The following SKOR1 variants were observed in gnomAD, a reference collection of about 807,000 sequenced individuals.
SKOR1 encodes LBX1 corepressor 1.
In SKOR1, 38 loss-of-function variants were observed where a neutral mutation model predicts 72.4. That is an observed-to-expected ratio of 0.52 (90% CI 0.40 to 0.69). SKOR1 has a LOEUF of 0.69. SKOR1 is among the 30% of genes least tolerant of loss of function. The probability of loss-of-function intolerance (pLI) is 0.00; values close to 1 mark genes in which losing one functional copy is unlikely to be tolerated. For synonymous variants in SKOR1, 642 were observed against 599.4 expected, an observed-to-expected ratio of 1.07 and a Z score of -1.04; for missense variants, 1,320 against 1,343.2, an observed-to-expected ratio of 0.98 and a Z score of 0.27.
In SKOR1 at chr15:67,834,474, C is replaced by T. The variant is rs2091032521; in HGVS notation, c.*638C>T. On this transcript the variant is annotated 3_prime_UTR_variant, in exon 9 of 9. Coordinates refer to ENST00000380035, the MANE Select transcript of SKOR1 (RefSeq NM_001365915.1). This position sits in a 1 kb window ranked among gnomAD's most constrained non-coding sequence, Gnocchi z 5.8. Reference sequence around the variant, plus strand: ...CACTTTAAAAGGGCGACAACTGACTCACGAGATGGCAACCACCTGGAGCCT... The same window carrying T: ...CACTTTAAAAGGGCGACAACTGACTTACGAGATGGCAACCACCTGGAGCCT... The T allele has an allele frequency of 6.5e-6, 1 of 153,060 alleles. No homozygotes were observed. The allele number at this position is 153,060 out of a possible 1,614,324, so 9.5% of individuals were successfully genotyped here. A position where few individuals can be genotyped will look rare whatever the true frequency, so the allele number is the denominator to read the frequency against.
rs1326688227 is a variant in SKOR1, at chr15:67,829,215, G to T, written c.2353G>T (p.Ala785Ser). Residue 785 changes from alanine (A) to serine (S), a missense_variant, in exon 3 of 9, where the codon GCG (alanine) becomes TCG (serine). Physicochemically the swap from Ala to Ser is moderately conservative, Grantham distance 99. Transcript: ENST00000380035. Reference protein sequence around the residue: ...APERDEHVKSAAVALGPAASY... With the variant: ...APERDEHVKSSAVALGPAASY... Reference sequence around the variant, plus strand: ...CGAGAGGGATGAGCACGTGAAGAGCGCGGCGGTGGCGCTGGGGCCCGCGGC... The same window carrying T: ...CGAGAGGGATGAGCACGTGAAGAGCTCGGCGGTGGCGCTGGGGCCCGCGGC... 5 of 1,575,912 alleles carry T rather than the reference G, an allele frequency of 3.2e-6. 1 individual carries two copies. In the Middle Eastern group the frequency reaches 5.0e-4, roughly 157 times the overall value.
intron 2 of SKOR1, 56 bp downstream of exon 2, chr15:67,828,200 AG>A (rs1468427905): frequency 1.5e-6 from 2 of 1,373,668 alleles, no homozygotes; most frequent in African/African-American, 3.1e-5. Context: ...TGTGCGCGGC[AG>A]GGCTGCGGGG....
chr15:67,825,909 C>T lies in SKOR1; in HGVS notation c.108-27C>T. 2.6e-6 allele frequency: 4 copies of T among 1,511,384 alleles called. No individual in the cohort carries two copies. The highest frequency in any genetic ancestry group is 3.5e-6 in the Non-Finnish European group (4 of 1,135,210). 93.6% of individuals were successfully genotyped at this position (1,511,384 alleles called of 1,614,324 possible). A position where few individuals can be genotyped will look rare whatever the true frequency, so the allele number is the denominator to read the frequency against. ...GGCGGCGGCGCTGAAAATGGCTCATCTGCTCTCTGCTTTCTCTATTTCGCA... is the reference window on the plus strand; with the variant it reads ...GGCGGCGGCGCTGAAAATGGCTCATTTGCTCTCTGCTTTCTCTATTTCGCA... On this transcript the variant is annotated intron_variant, in intron 1 of 8. Transcript: ENST00000380035. The surrounding 1 kb of genome is among the most constrained non-coding windows in gnomAD (Gnocchi z 5.6).
chr15:67,830,113 C>A, intron 3 of SKOR1, 78 bp from the exon 4 acceptor site: 1 of 1,467,108 alleles, frequency 6.8e-7, no homozygotes, highest in Non-Finnish European at 9.5e-7. Context: ...GGCTGGGGCG[C>A]CCCGACCGCG....
In SKOR1 at chr15:67,833,789, C is replaced by G. The variant is rs372809122; in HGVS notation, c.2851C>G (p.Arg951Gly). 1.3e-4 allele frequency: 207 copies of G among 1,613,028 alleles called. No individual in the cohort carries two copies. The highest frequency in any genetic ancestry group is 1.7e-4 in the Non-Finnish European group (202 of 1,180,048). ...HHFSCKMLTP[R>G]HCTGNCSFKP... is the part of the protein sequence containing the mutation. ...TTTCTCCTGCAAGATGCTGACGCCC[C>G]GCCACTGCACTGGCAACTGCTCCTT... Residue 951 changes from arginine (R) to glycine (G), a missense_variant, in exon 9 of 9, where the codon CGC (arginine) becomes GGC (glycine). Around this residue, in one of 3 missense-constraint regions of SKOR1, gnomAD observed 1,099 missense variants for 1,025.5 expected, o/e 1.07. Transcript: ENST00000380035. This position sits in a 1 kb window ranked among gnomAD's most constrained non-coding sequence, Gnocchi z 6.0.
rs2090952467 is a variant in SKOR1, at chr15:67,825,680, T to C, written c.78T>C (p.Ile26=). 8 of 730,214 alleles carry C rather than the reference T, an allele frequency of 1.1e-5. No homozygotes were observed. Among genetic ancestry groups the C allele is most frequent in the Non-Finnish European group, 1.8e-5 (7 of 395,746 alleles). The allele number at this position is 730,214 out of a possible 1,614,324, so 45.2% of individuals were successfully genotyped here. A position where few individuals can be genotyped will look rare whatever the true frequency, so the allele number is the denominator to read the frequency against. The change falls in exon 1 of 9, where the codon ATT becomes ATC. Residue 26 remains isoleucine (I), a synonymous_variant. Transcript: ENST00000380035. This position sits in a 1 kb window ranked among gnomAD's most constrained non-coding sequence, Gnocchi z 5.6. ...VSLPSQSENG[I]GFLAARAFLR... ...TTCCTTCCCAATCCGAAAACGGGAT[T>C]GGGTTCCTTGCAGCCCGGGCATTCC...
intron 5 of SKOR1, 54 bp downstream of exon 5, chr15:67,830,943 T>A: frequency 6.4e-7 from 1 of 1,558,844 alleles, no homozygotes; most frequent in African/African-American, 1.4e-5. Flanking sequence ...TGATGGGTCA[T>A]TCCTGTAGAG....
At position 67,829,121 on chromosome 15, in the gene SKOR1, G is replaced by A. The variant is rs1214486792; in HGVS notation, c.2317-58G>A. On this transcript the variant is annotated intron_variant, in intron 2 of 8. Coordinates refer to ENST00000380035, the MANE Select transcript of SKOR1 (RefSeq NM_001365915.1). ...TCTTGGCCGCGGGGTAGGGCTGGGC[G>A]TCTTTGGGCCGCCGCAGGGCGCCAC... 6 of 1,451,152 alleles carry A rather than the reference G, an allele frequency of 4.1e-6. No homozygotes were observed. In the East Asian group the frequency reaches 1.0e-4, roughly 24 times the overall value. 89.9% of individuals were successfully genotyped at this position (1,451,152 alleles called of 1,614,324 possible). A position where few individuals can be genotyped will look rare whatever the true frequency, so the allele number is the denominator to read the frequency against.
rs890971022 is a variant in SKOR1, at chr15:67,827,510, C to A, written c.1682C>A (p.Pro561His). 3 of 1,523,822 alleles carry A rather than the reference C, an allele frequency of 2.0e-6. No individual in the cohort carries two copies. Among genetic ancestry groups the A allele is most frequent in the South Asian group, 1.2e-5 (1 of 83,086 alleles). 94.4% of individuals were successfully genotyped at this position (1,523,822 alleles called of 1,614,324 possible). The change falls in exon 2 of 9, where the codon CCC becomes CAC. Residue 561 changes from proline to histidine, a missense_variant. Pro to His is a moderately conservative substitution (Grantham distance 77). Coordinates refer to ENST00000380035, the MANE Select transcript of SKOR1 (RefSeq NM_001365915.1). ...TGCCCGAGCGCTCTGTCCCGCGGGC[C>A]CCTGGACGAAGACGGCACGGACGAG... ...ERCPSALSRG[P>H]LDEDGTDEAL...
At position 67,828,036 on chromosome 15, in the gene SKOR1, G is replaced by C. The variant is rs1247381937; in HGVS notation, c.2208G>C (p.Leu736Phe). ...CTGGCCGGCCCGCATTTGGGGACTT[G>C]GCAGCCGAAGACTTGGTGCGGAGAC... is the stretch of plus-strand genomic sequence containing the variant. ...PPAGRPAFGDLAAEDLVRRPE... is the reference protein window; with the variant it reads ...PPAGRPAFGDFAAEDLVRRPE... The change falls in exon 2 of 9, where the codon TTG (leucine) becomes TTC (phenylalanine). Residue 736 changes from leucine (L) to phenylalanine (F), a missense_variant. Leu to Phe is a conservative substitution (Grantham distance 22). Coordinates refer to ENST00000380035, the MANE Select transcript of SKOR1 (RefSeq NM_001365915.1). The C allele has an allele frequency of 1.3e-6, 2 of 1,539,458 alleles. No homozygotes were observed. The highest frequency in any genetic ancestry group is 1.4e-5 in the African/African-American group (1 of 72,254).
At chr15:67,831,903 C>CCGGGGGGGGGGGGGG (rs1476265010) in intron 5 of SKOR1, among the ~76,000 whole-genome samples, 5 of 28,756 alleles carry the variant, frequency 1.7e-4, no homozygotes, top group African/African-American at 1.1e-3. Context: ...GGCGGCGGTG[C>CCGGGGGGGGGGGGGG]GGGGGGGGGA....
At chr15:67,829,914 A>G (rs2090995513) in intron 3 of SKOR1, among the ~76,000 whole-genome samples, 1 of 151,904 alleles carries the variant, frequency 6.6e-6, no homozygotes, top group African/African-American at 2.4e-5. Flanking sequence ...TCTGCGCGCG[A>G]TGTAGGTCGC....
chr15:67,827,146 G>A lies in SKOR1; in HGVS notation c.1318G>A (p.Gly440Ser), dbSNP rs774186054. The change falls in exon 2 of 9, where the codon GGC becomes AGC. Residue 440 changes from glycine to serine, a missense_variant. Transcript: ENST00000380035. ...CGCGGGGACAGGCGGGGGTGCGGGG[G>A]GCCCGGGAGCCAGCCACTTGCCCCC... ...GGAGTGGGAG[G>S]PGASHLPPGA... is the part of the protein sequence containing the mutation. 1.1e-4 allele frequency: 154 copies of A among 1,360,422 alleles called. 2 individuals carry two copies. The highest frequency in any genetic ancestry group is 1.0e-3 in the South Asian group (52 of 50,942). The allele number at this position is 1,360,422 out of a possible 1,614,324, so 84.3% of individuals were successfully genotyped here.
chr15:67,830,346 G>C (rs773870447), intron 4 of SKOR1, 48 bp downstream of exon 4: 3 of 1,575,736 alleles, frequency 1.9e-6, no homozygotes, highest in Admixed American at 1.7e-5. Context: ...CCAGGAGCTG[G>C]GACCCAGGTC....
chr15:67,829,113 G>A, intron 2 of SKOR1, 66 bp from the exon 3 acceptor site: 1 of 1,417,870 alleles, frequency 7.1e-7, no homozygotes, highest in Non-Finnish European at 9.4e-7. Context: ...CGCGGGGTAG[G>A]GCTGGGCGTC....
In SKOR1 at chr15:67,827,844, G is replaced by C. The variant is rs767554166; in HGVS notation, c.2016G>C (p.Glu672Asp). 2 of 1,598,328 alleles carry C rather than the reference G, an allele frequency of 1.3e-6. No individual in the cohort carries two copies. Among genetic ancestry groups the C allele is most frequent in the Non-Finnish European group, 1.7e-6 (2 of 1,173,366 alleles). The change falls in exon 2 of 9, where the codon GAG (glutamate) becomes GAC (aspartate). Residue 672 changes from glutamate to aspartate, a missense_variant. Around this residue, in one of 3 missense-constraint regions of SKOR1, gnomAD observed 1,099 missense variants for 1,025.5 expected, o/e 1.07. Transcript: ENST00000380035. ...DVESNRFPDD[E>D]DAQEETEPSA... ...AATCCAACCGCTTCCCCGACGACGA[G>C]GACGCCCAAGAGGAGACCGAGCCCA...
At position 67,829,230 on chromosome 15, in the gene SKOR1, G is replaced by C. The variant is rs1262381797; in HGVS notation, c.2368G>C (p.Gly790Arg). 5.1e-6 allele frequency: 8 copies of C among 1,573,390 alleles called. No individual in the cohort carries two copies. Among genetic ancestry groups the C allele is most frequent in the Non-Finnish European group, 6.9e-6 (8 of 1,167,290 alleles). The stretch of plus-strand genomic sequence containing the variant: ...CGTGAAGAGCGCGGCGGTGGCGCTG[G>C]GGCCCGCGGCCTCCTACGTCTGCAC... ...EHVKSAAVAL[G>R]PAASYVCTPE... Residue 790 changes from glycine to arginine, a missense_variant, in exon 3 of 9, where the codon GGG becomes CGG. Transcript: ENST00000380035.
In SKOR1 at chr15:67,833,853, C is replaced by A. The variant is rs1472870637; in HGVS notation, c.*17C>A. On this transcript the variant is annotated 3_prime_UTR_variant, in exon 9 of 9. Transcript: ENST00000380035. This position sits in a 1 kb window ranked among gnomAD's most constrained non-coding sequence, Gnocchi z 6.0. ...TTGCCCTAGGGCCGGCCTGGCCGCA[C>A]CCCTGCGCCCTCAAGCCATGCTGCT... 4 of 1,603,546 alleles carry A rather than the reference C, an allele frequency of 2.5e-6. No homozygotes were observed. The African/African-American group carries it at 4.0e-5, about 16-fold the overall frequency.
chr15:67,833,032 C>T lies in SKOR1; in HGVS notation c.2738-160C>T. On this transcript the variant is annotated intron_variant, in intron 7 of 8. Coordinates refer to ENST00000380035, the MANE Select transcript of SKOR1 (RefSeq NM_001365915.1). The surrounding 1 kb of genome is among the most constrained non-coding windows in gnomAD (Gnocchi z 6.0). Reference sequence around the variant, plus strand: ...GCCATCCCAGGCCATTTCCTTCCTCCGCCAGTCTGCAGTTAGGAGCTCCGG... The same window carrying T: ...GCCATCCCAGGCCATTTCCTTCCTCTGCCAGTCTGCAGTTAGGAGCTCCGG... 1 of 714,450 alleles carries T rather than the reference C, an allele frequency of 1.4e-6. No homozygotes were observed. The highest frequency in any genetic ancestry group is 2.4e-6 in the Non-Finnish European group (1 of 421,486). 44.3% of individuals were successfully genotyped at this position (714,450 alleles called of 1,614,324 possible). A position where few individuals can be genotyped will look rare whatever the true frequency, so the allele number is the denominator to read the frequency against.
Sources: gnomAD v4.1 joint callset for allele counts (sites outside exome capture counted in the v4.1 genomes callset) on GRCh38, gnomAD v4.1.1 for gene constraint, gnomAD v4.1.1 regional missense constraint, Gnocchi (gnomAD v3.1) non-coding constraint, MANE v1.5 for transcripts, NCBI Gene and HGNC (gene_info 2026-07-23, HGNC 2026-07-21) for gene names.